KAZN: variants seen among roughly 807,000 people sequenced by gnomAD.
KAZN encodes kazrin, periplakin interacting protein.
Under a neutral mutation model 87.4 loss-of-function variants are expected in KAZN, and 40 were observed. The observed-to-expected ratio is 0.46, with a 90% CI of 0.36 to 0.60. KAZN has a LOEUF of 0.60. KAZN is among the 20% of genes least tolerant of loss of function. The pLI is 0.00. For missense variants in KAZN, 898 were observed against 1,073.9 expected (o/e 0.84, Z 2.29); for synonymous variants, 466 against 458.3 (o/e 1.02, Z -0.22).
At chr1:14,774,671 G>A (rs938784859) in intron 1 of KAZN, among the ~76,000 whole-genome samples, 2 of 151,996 alleles carry the variant, frequency 1.3e-5, no homozygotes, top group Non-Finnish European at 1.5e-5. Context: ...TTTTAGAAGA[G>A]ATCAGTTCTC....
chr1:14,746,242 C>G (rs944170888), intron 1 of KAZN, among the ~76,000 whole-genome samples: 1 of 146,994 alleles, frequency 6.8e-6, no homozygotes, highest in African/African-American at 2.5e-5. Context: ...CTTGATTCCC[C>G]TACCAAGTTC....
chr1:13,960,722 A>T (rs1641719790), intron 1 of KAZN, among the ~76,000 whole-genome samples: 1 of 152,142 alleles, frequency 6.6e-6, no homozygotes, highest in Non-Finnish European at 1.5e-5. Flanking sequence ...GAGGAAGGAT[A>T]AGTTTCCAAA....
chr1:14,974,517 C>T (rs1340398861), intron 2 of KAZN, among the ~76,000 whole-genome samples: 1 of 152,192 alleles, frequency 6.6e-6, no homozygotes, highest in East Asian at 1.9e-4. Context: ...AAGACTTGTA[C>T]ATACGTGGTT....
chr1:14,991,150 C>G (rs377242522), intron 2 of KAZN, among the ~76,000 whole-genome samples: 2 of 151,940 alleles, frequency 1.3e-5, no homozygotes, highest in Non-Finnish European at 2.9e-5. Flanking sequence ...GTCAGGAGTT[C>G]GAGACCAGCC....
intron 1 of KAZN, among the ~76,000 whole-genome samples, chr1:14,801,850 A>G (rs959412600): frequency 3.3e-5 from 5 of 151,222 alleles, no homozygotes; most frequent in Non-Finnish European, 7.4e-5. Context: ...CGCCCAGCTA[A>G]TTTTTTTGTA....
intron 2 of KAZN, among the ~76,000 whole-genome samples, chr1:14,482,657 C>T (rs1349990832): frequency 6.6e-6 from 1 of 151,278 alleles, no homozygotes. Context: ...GGGGAGGGGT[C>T]TTGGGGCAAG....
chr1:13,895,500 G>A (rs1221809233), intron 1 of KAZN, among the ~76,000 whole-genome samples: 1 of 152,008 alleles, frequency 6.6e-6, no homozygotes, highest in South Asian at 2.1e-4. Flanking sequence ...ATGCAACATG[G>A]AATAATAATG....
intron 1 of KAZN, among the ~76,000 whole-genome samples, chr1:14,617,871 A>G (rs762193290): frequency 7.5e-4 from 115 of 152,318 alleles, no homozygotes; most frequent in Non-Finnish European, 1.0e-3. Flanking sequence ...GGTTTGATCT[A>G]TGGGCTTTCC....
At chr1:13,893,996 G>A (rs763018244) in intron 1 of KAZN, among the ~76,000 whole-genome samples, 1 of 152,196 alleles carries the variant, frequency 6.6e-6, no homozygotes, top group Non-Finnish European at 1.5e-5. Context: ...TGCAATGAGT[G>A]AGGGGCCTTG....
At chr1:14,472,164 C>T (rs1668490688) in intron 2 of KAZN, among the ~76,000 whole-genome samples, 1 of 152,060 alleles carries the variant, frequency 6.6e-6, no homozygotes, top group South Asian at 2.1e-4. Context: ...AGGGCTCTGC[C>T]CTCATCACTT....
intron 1 of KAZN, among the ~76,000 whole-genome samples, chr1:13,955,322 G>A (rs927150102): frequency 6.6e-6 from 1 of 152,122 alleles, no homozygotes; most frequent in Non-Finnish European, 1.5e-5. Flanking sequence ...GAGTGTTAAT[G>A]ATTATAAAAA....
chr1:14,237,197 G>T (rs796328705), intron 2 of KAZN, among the ~76,000 whole-genome samples: 8 of 152,186 alleles, frequency 5.3e-5, no homozygotes, highest in African/African-American at 1.9e-4. Flanking sequence ...GATCTTCAGG[G>T]GTTGCTCTTA....
At chr1:14,834,031 ATATT>A (rs1186987347) in intron 1 of KAZN, among the ~76,000 whole-genome samples, 3 of 151,434 alleles carry the variant, frequency 2.0e-5, no homozygotes, top group Non-Finnish European at 4.4e-5. Context: ...ACATACATAT[ATATT>A]TTTTGTTGTT....
At chr1:14,950,148 C>G (rs1352001744) in intron 1 of KAZN, among the ~76,000 whole-genome samples, 1 of 152,070 alleles carries the variant, frequency 6.6e-6, no homozygotes, top group Non-Finnish European at 1.5e-5. Flanking sequence ...GGAAGAAACC[C>G]TGTGGAGGAG....
intron 1 of KAZN, among the ~76,000 whole-genome samples, chr1:14,652,013 A>G (rs544663683): frequency 1.3e-5 from 2 of 152,384 alleles, no homozygotes; most frequent in East Asian, 3.9e-4. Context: ...CTTTAAATTA[A>G]TTCCTACAGA....
At chr1:14,859,258 G>A (rs888970557) in intron 1 of KAZN, among the ~76,000 whole-genome samples, 14 of 151,658 alleles carry the variant, frequency 9.2e-5, no homozygotes, top group South Asian at 8.4e-4. Flanking sequence ...CTCAGTGCAC[G>A]TTCTGTAGCA....
intron 1 of KAZN, among the ~76,000 whole-genome samples, chr1:13,944,175 A>ATACT (rs764313437): frequency 5.3e-5 from 8 of 152,238 alleles, no homozygotes; most frequent in Non-Finnish European, 8.8e-5. Flanking sequence ...ATACAATGGA[A>ATACT]TACTATTCAG....
intron 2 of KAZN, among the ~76,000 whole-genome samples, chr1:15,031,428 C>A (rs1671685423): frequency 6.6e-6 from 1 of 152,210 alleles, no homozygotes; most frequent in South Asian, 2.1e-4. Flanking sequence ...TGGGCAAAGG[C>A]CGTGGAGCCC....
chr1:14,940,898 C>CTT lies in KAZN; in HGVS notation c.227-19756_227-19755dup, dbSNP rs66777443. Among the ~76,000 whole-genome samples, 199 of 54,400 alleles carry CTT rather than the reference C, an allele frequency of 3.7e-3. 29 individuals carry two copies. The highest frequency in any genetic ancestry group is 8.8e-3 in the African/African-American group (106 of 12,032). 35.7% of individuals were successfully genotyped at this position (54,400 alleles called of 152,430 possible). A position where few individuals can be genotyped will look rare whatever the true frequency, so the allele number is the denominator to read the frequency against. On this transcript the variant is annotated intron_variant, in intron 1 of 14. Coordinates refer to ENST00000376030, the MANE Select transcript of KAZN (RefSeq NM_201628.3). Reference sequence around the variant, plus strand: ...ACCAGACAGATGTCATTCTACCTTTCTTTTTTTTTTTTTTTTTTTTTTTTT... The same window carrying CTT: ...ACCAGACAGATGTCATTCTACCTTTCTTTTTTTTTTTTTTTTTTTTTTTTTTT...
Sources: gnomAD v4.1 joint callset for allele counts (sites outside exome capture counted in the v4.1 genomes callset) on GRCh38, gnomAD v4.1.1 for gene constraint, MANE v1.5 for transcripts, NCBI Gene and HGNC (gene_info 2026-07-23, HGNC 2026-07-21) for gene names.